Variants in CRTAC1 observed in about 807,000 individuals in gnomAD.
CRTAC1 encodes the protein acidic secreted protein in cartilage.
In CRTAC1, 37 loss-of-function variants were observed where a neutral mutation model predicts 67.8. The ratio of observed to expected loss-of-function variants is 0.55; its 90% CI spans 0.42 to 0.72. The LOEUF (loss-of-function observed/expected upper bound fraction) is 0.72, where lower values mean the gene tolerates loss of function less well. Among genes scored for constraint, CRTAC1 ranks in the 30% least tolerant of loss-of-function variants. CRTAC1 has a pLI of 0.00. For missense variants in CRTAC1, 780 were observed against 931.6 expected (o/e 0.84, Z 2.12); for synonymous variants, 348 against 371.0 (o/e 0.94, Z 0.71).
chr10:97,990,476 C>T (rs569764118), intron 2 of CRTAC1, among the ~76,000 whole-genome samples: 1 of 152,192 alleles, frequency 6.6e-6, no homozygotes, highest in East Asian at 1.9e-4. Context: ...TTGCCCAAGT[C>T]GAGTCCTTCT....
At chr10:98,020,339 T>G (rs1564938759) in intron 1 of CRTAC1, among the ~76,000 whole-genome samples, 1 of 149,532 alleles carries the variant, frequency 6.7e-6, no homozygotes, top group East Asian at 1.9e-4. Context: ...GTGCCAGGCA[T>G]TACTCTAACC....
At chr10:98,009,637 C>T (rs1842869610) in intron 2 of CRTAC1, among the ~76,000 whole-genome samples, 2 of 152,164 alleles carry the variant, frequency 1.3e-5, no homozygotes, top group African/African-American at 4.8e-5. Context: ...TCTTTCAATT[C>T]CAAGGTCAAA....
In CRTAC1 at chr10:97,923,335, C is replaced by T. The variant is rs374900860; in HGVS notation, c.487G>A (p.Asp163Asn). Residue 163 changes from aspartate to asparagine, a missense_variant, in exon 4 of 15, where the codon GAT (aspartate) becomes AAT (asparagine). By Grantham distance (23) the Asp-to-Asn change is conservative. Coordinates refer to ENST00000370597, the MANE Select transcript of CRTAC1 (RefSeq NM_018058.7). ...RNNRWEDILSDEVNVARGVAS... is the reference protein window; with the variant it reads ...RNNRWEDILSNEVNVARGVAS... Reference sequence around the variant, plus strand: ...ACACCACGGGCCACGTTGACCTCATCGCTCAGGATGTCTTCCCACCGGTTA... The same window carrying T: ...ACACCACGGGCCACGTTGACCTCATTGCTCAGGATGTCTTCCCACCGGTTA... The T allele has an allele frequency of 2.0e-4, 325 of 1,614,000 alleles. No individual in the cohort carries two copies. Among genetic ancestry groups the T allele is most frequent in the Non-Finnish European group, 2.6e-4 (311 of 1,180,032 alleles).
intron 1 of CRTAC1, among the ~76,000 whole-genome samples, chr10:98,022,541 G>T (rs899125465): frequency 6.6e-6 from 1 of 151,924 alleles, no homozygotes; most frequent in African/African-American, 2.4e-5. Flanking sequence ...TCAACGATAT[G>T]GATGTGAGAC....
intron 2 of CRTAC1, among the ~76,000 whole-genome samples, chr10:97,990,241 G>T (rs73334635): frequency 1.1e-4 from 17 of 152,186 alleles, no homozygotes; most frequent in Admixed American, 4.6e-4. Context: ...ATAACCATCC[G>T]TCTTACTCCT....
chr10:97,961,971 T>G (rs2051533407), intron 2 of CRTAC1, among the ~76,000 whole-genome samples: 3 of 152,330 alleles, frequency 2.0e-5, no homozygotes, highest in Middle Eastern at 6.8e-3. Flanking sequence ...CTGCTCTCTT[T>G]TTTAGAGGTG....
At position 97,918,464 on chromosome 10, in the gene CRTAC1, A is replaced by C. The variant is rs144618020; in HGVS notation, c.559-808T>G. On this transcript the variant is annotated intron_variant, in intron 4 of 14. Coordinates refer to ENST00000370597, the MANE Select transcript of CRTAC1 (RefSeq NM_018058.7). The stretch of plus-strand genomic sequence containing the variant: ...TCCCAAGAGATCCACACACTTTCTA[A>C]ATCAGTTTTCTGGCTTTTCTCTCAT... Among the ~76,000 whole-genome samples, 215 of 152,270 alleles carry C rather than the reference A, an allele frequency of 1.4e-3. 2 individuals are homozygous for C. Among genetic ancestry groups the C allele is most frequent in the African/African-American group, 4.9e-3 (204 of 41,554 alleles).
rs780436713 is a variant in CRTAC1 at position 97,904,636 on chromosome 10, G to T, written c.996+33C>A. ...GGGTTTTGCCATGTTGGACAGGCTG[G>T]TCTTGAACTCCTGGGGTGAGGCCCC... On this transcript the variant is annotated intron_variant, in intron 7 of 14. Transcript: ENST00000370597. The T allele has an allele frequency of 4.0e-6, 6 of 1,492,610 alleles. 1 individual carries two copies. The highest frequency in any genetic ancestry group is 4.5e-6 in the Non-Finnish European group (5 of 1,123,276). 92.5% of individuals were successfully genotyped at this position (1,492,610 alleles called of 1,614,324 possible).
At chr10:97,882,392 G>T (rs2050227175) in intron 13 of CRTAC1, among the ~76,000 whole-genome samples, 1 of 152,146 alleles carries the variant, frequency 6.6e-6, no homozygotes, top group Non-Finnish European at 1.5e-5. Context: ...ACACTATTTT[G>T]CCCCAATGCC....
At chr10:97,997,091 G>A (rs201652974) in intron 2 of CRTAC1, among the ~76,000 whole-genome samples, 2 of 109,290 alleles carry the variant, frequency 1.8e-5, no homozygotes, top group African/African-American at 3.5e-5. Context: ...GTTGTGGGGT[G>A]GGGGGAGGGG....
At chr10:97,998,718 AT>A (rs751337947) in intron 2 of CRTAC1, among the ~76,000 whole-genome samples, 9 of 152,146 alleles carry the variant, frequency 5.9e-5, no homozygotes, top group Non-Finnish European at 1.0e-4. Flanking sequence ...TAAAAAAAAA[AT>A]GTAAAAACAT....
chr10:97,995,064 A>T (rs1470106901), intron 2 of CRTAC1, among the ~76,000 whole-genome samples: 1 of 152,240 alleles, frequency 6.6e-6, no homozygotes, highest in Non-Finnish European at 1.5e-5. Flanking sequence ...TATTTTATAA[A>T]CAACATGGGA....
At chr10:97,908,881 T>C (rs2050651056) in intron 5 of CRTAC1, among the ~76,000 whole-genome samples, 1 of 152,330 alleles carries the variant, frequency 6.6e-6, no homozygotes, top group Non-Finnish European at 1.5e-5. Context: ...CACATGTTTG[T>C]GCAGAGTTAT....
At chr10:98,017,777 A>G (rs764444289) in intron 1 of CRTAC1, among the ~76,000 whole-genome samples, 3 of 151,610 alleles carry the variant, frequency 2.0e-5, no homozygotes, top group Admixed American at 6.6e-5. Flanking sequence ...GGCCCAAGCA[A>G]TTCTCCACAG....
At chr10:98,008,422 G>A (rs1457940128) in intron 2 of CRTAC1, among the ~76,000 whole-genome samples, 2 of 151,764 alleles carry the variant, frequency 1.3e-5, no homozygotes, top group Non-Finnish European at 2.9e-5. Context: ...AAAGAGTGGG[G>A]GGTGGGGTGG....
intron 3 of CRTAC1, among the ~76,000 whole-genome samples, chr10:97,933,324 G>A (rs576522951): frequency 5.0e-4 from 76 of 152,362 alleles, no homozygotes; most frequent in African/African-American, 1.7e-3. Context: ...CCTGGAGGCC[G>A]GCTCCGGCCT....
intron 2 of CRTAC1, among the ~76,000 whole-genome samples, chr10:97,964,055 T>C (rs1178898278): frequency 6.6e-6 from 1 of 152,208 alleles, no homozygotes; most frequent in Non-Finnish European, 1.5e-5. Context: ...GCTTGTGCTG[T>C]CCCCTCTTTC....
intron 2 of CRTAC1, among the ~76,000 whole-genome samples, chr10:98,009,896 A>T (rs534875144): frequency 1.3e-4 from 20 of 152,340 alleles, no homozygotes; most frequent in African/African-American, 4.8e-4. Flanking sequence ...CAAGTTGCTT[A>T]CTGCCTCTGA....
At chr10:97,886,058 AAAG>A (rs1483108278) in intron 11 of CRTAC1, among the ~76,000 whole-genome samples, 1 of 152,168 alleles carries the variant, frequency 6.6e-6, no homozygotes, top group Non-Finnish European at 1.5e-5. Flanking sequence ...ATATTTTAGA[AAAG>A]GAGGTTTGGA....
Sources: allele counts gnomAD v4.1 joint callset (sites outside exome capture counted in the v4.1 genomes callset), GRCh38; gene constraint gnomAD v4.1.1; transcripts MANE v1.5; gene names NCBI Gene and HGNC (gene_info 2026-07-23, HGNC 2026-07-21).